The following CAAP1 variants were observed in gnomAD, a reference collection of about 807,000 sequenced individuals.
The protein encoded by CAAP1 is conserved anti-apoptotic protein.
Under a neutral mutation model 34.0 loss-of-function variants are expected in CAAP1, and 20 were observed. That is an observed-to-expected ratio of 0.59 (90% CI 0.41 to 0.86). The LOEUF is 0.86. Among genes scored for constraint, CAAP1 ranks in the 40% least tolerant of loss-of-function variants. CAAP1 has a pLI of 0.00. For synonymous variants in CAAP1, 213 were observed against 166.7 expected (o/e 1.28, Z -2.14); for missense variants, 538 against 450.5 (o/e 1.19, Z -1.76).
At chr9:26,845,204 C>A (rs1378796329) in intron 5 of CAAP1, among the ~76,000 whole-genome samples, 1 of 152,090 alleles carries the variant, frequency 6.6e-6, no homozygotes, top group Non-Finnish European at 1.5e-5. Flanking sequence ...TTGTTCCCTG[C>A]TGTTTCCTTG....
At position 26,842,201 on chromosome 9, in the gene CAAP1, A is replaced by G; in HGVS notation, c.*100T>C. ...TAAAATGAGTCCTAATAAGGGTTACATGAGAAATAACATATAAGACCCCAA... is the reference window on the plus strand; with the variant it reads ...TAAAATGAGTCCTAATAAGGGTTACGTGAGAAATAACATATAAGACCCCAA... On this transcript the variant is annotated 3_prime_UTR_variant, in exon 6 of 6. Coordinates refer to ENST00000333916, the MANE Select transcript of CAAP1 (RefSeq NM_024828.4). The G allele has an allele frequency of 1.1e-6, 1 of 931,916 alleles. No individual in the cohort carries two copies. The highest frequency in any genetic ancestry group is 1.6e-6 in the Non-Finnish European group (1 of 632,320). 57.7% of individuals were successfully genotyped at this position (931,916 alleles called of 1,614,324 possible).
intron 4 of CAAP1, among the ~76,000 whole-genome samples, chr9:26,884,058 T>C (rs1003592798): frequency 2.6e-5 from 4 of 152,200 alleles, no homozygotes; most frequent in Non-Finnish European, 5.9e-5. Context: ...GTGACACAAG[T>C]ATTTATTTTT....
chr9:26,858,944 G>C (rs553677880), intron 5 of CAAP1, among the ~76,000 whole-genome samples: 23 of 146,204 alleles, frequency 1.6e-4, no homozygotes, highest in Middle Eastern at 3.7e-3. Flanking sequence ...CTGGCAGTGA[G>C]CCGATATTGC....
At position 26,892,550 on chromosome 9, in the gene CAAP1, CA is replaced by C. The variant is rs1823936085; in HGVS notation, c.165del (p.Cys55TrpfsTer75). 1 of 1,581,512 alleles carries C rather than the reference CA, an allele frequency of 6.3e-7. No individual in the cohort carries two copies. Among genetic ancestry groups the C allele is most frequent in the African/African-American group, 1.3e-5 (1 of 74,308 alleles). ...SAGGCGSVSC[C>X]GNANFSGSVT... ...ACACTTCCACTAAAATTGGCGTTCC[CA>C]CAGCAGCTGACGCTCCCGCAGCCCC... On this transcript the variant is annotated frameshift_variant, in exon 1 of 6. Coordinates refer to ENST00000333916, the MANE Select transcript of CAAP1 (RefSeq NM_024828.4). LOFTEE classifies it high-confidence loss of function.
intron 4 of CAAP1, among the ~76,000 whole-genome samples, chr9:26,882,475 T>C (rs1251989229): frequency 6.6e-6 from 1 of 152,188 alleles, no homozygotes; most frequent in Non-Finnish European, 1.5e-5. Context: ...TGCAGGAGGT[T>C]TGGGAATCTC....
Position 26,845,229 on chromosome 9 carries a change from G to A in CAAP1, c.740-2582C>T, listed in dbSNP as rs149494615. On this transcript the variant is annotated intron_variant, in intron 5 of 5. Transcript: ENST00000333916. ...CTGTTTCCTTGGTGCTTAAAACAGT[G>A]TCTTGTACACAGCAGGTGCTCAGTA... is the stretch of plus-strand genomic sequence containing the variant. 2.6e-5 allele frequency among the ~76,000 whole-genome samples: 4 copies of A among 152,298 alleles called. No homozygotes were observed. The East Asian group carries it at 7.7e-4, about 29-fold the overall frequency.
chr9:26,878,745 G>C (rs1275501094), intron 4 of CAAP1, among the ~76,000 whole-genome samples: 2 of 151,928 alleles, frequency 1.3e-5, no homozygotes, highest in Admixed American at 6.6e-5. Flanking sequence ...GAGCATGGGA[G>C]ACAGAGGCTT....
intron 4 of CAAP1, among the ~76,000 whole-genome samples, chr9:26,879,912 G>C (rs1467261882): frequency 6.6e-6 from 1 of 152,182 alleles, no homozygotes; most frequent in East Asian, 1.9e-4. Flanking sequence ...TCAACCTGCA[G>C]ACAGCCTATT....
At chr9:26,879,833 T>C (rs940092306) in intron 4 of CAAP1, among the ~76,000 whole-genome samples, 2 of 152,212 alleles carry the variant, frequency 1.3e-5, no homozygotes, top group African/African-American at 4.8e-5. Flanking sequence ...GACTGAGGAC[T>C]GCACTGTCGG....
chr9:26,875,277 T>C (rs1462477250), intron 4 of CAAP1, among the ~76,000 whole-genome samples: 1 of 152,048 alleles, frequency 6.6e-6, no homozygotes, highest in Non-Finnish European at 1.5e-5. Context: ...TCCCAGATAC[T>C]TGGAAGGCTA....
chr9:26,884,478 T>A (rs529686567), intron 4 of CAAP1, among the ~76,000 whole-genome samples: 1 of 152,300 alleles, frequency 6.6e-6, no homozygotes, highest in African/African-American at 2.4e-5. Context: ...ATGTAGTACC[T>A]GGTAGAGTAA....
chr9:26,879,257 G>A, intron 4 of CAAP1, among the ~76,000 whole-genome samples: 1 of 152,084 alleles, frequency 6.6e-6, no homozygotes, highest in East Asian at 1.9e-4. Flanking sequence ...ATTCTAAGAA[G>A]GGCAAAACTG....
At chr9:26,872,934 T>A (rs1823316390) in intron 4 of CAAP1, among the ~76,000 whole-genome samples, 1 of 152,188 alleles carries the variant, frequency 6.6e-6, no homozygotes, top group Admixed American at 6.5e-5. Context: ...GAAGCAGTAG[T>A]GGCTAGAAAC....
At chr9:26,849,436 T>C (rs1374546116) in intron 5 of CAAP1, among the ~76,000 whole-genome samples, 1 of 152,220 alleles carries the variant, frequency 6.6e-6, no homozygotes, top group Non-Finnish European at 1.5e-5. Context: ...CTTTGTGTAT[T>C]GTTTAAAGTT....
intron 4 of CAAP1, among the ~76,000 whole-genome samples, chr9:26,866,770 C>T (rs1278098770): frequency 2.0e-5 from 3 of 152,164 alleles, no homozygotes; most frequent in African/African-American, 7.2e-5. Context: ...TAAACTACCA[C>T]AGCTTGGTGA....
chr9:26,843,740 G>A (rs1435121783), intron 5 of CAAP1, among the ~76,000 whole-genome samples: 1 of 151,968 alleles, frequency 6.6e-6, no homozygotes, highest in Non-Finnish European at 1.5e-5. Context: ...GACTGTACAG[G>A]AAGGACATAA....
At chr9:26,860,609 G>A (rs768922248) in intron 5 of CAAP1, among the ~76,000 whole-genome samples, 18 of 152,164 alleles carry the variant, frequency 1.2e-4, no homozygotes, top group East Asian at 1.2e-3. Context: ...TGGCTAACAC[G>A]GTGAAACCCT....
intron 5 of CAAP1, among the ~76,000 whole-genome samples, chr9:26,847,344 A>G (rs1466144177): frequency 1.3e-5 from 2 of 149,920 alleles, no homozygotes; most frequent in African/African-American, 4.9e-5. Flanking sequence ...CCTCCCAAGT[A>G]GCTGGGACTA....
At chr9:26,850,317 G>A (rs913501176) in intron 5 of CAAP1, among the ~76,000 whole-genome samples, 2 of 152,084 alleles carry the variant, frequency 1.3e-5, no homozygotes, top group Non-Finnish European at 2.9e-5. Flanking sequence ...ACACAAGTAC[G>A]TGGGCAGAGT....
Sources: allele counts gnomAD v4.1 joint callset (sites outside exome capture counted in the v4.1 genomes callset), GRCh38; gene constraint gnomAD v4.1.1; transcripts MANE v1.5; gene names NCBI Gene and HGNC (gene_info 2026-07-23, HGNC 2026-07-21).